Variants in GLIS3 observed in about 807,000 individuals in gnomAD.
The protein encoded by GLIS3 is GLIS family zinc finger 3.
GLIS3 carries 53 observed loss-of-function variants against 78.6 expected under a neutral mutation model. That is an observed-to-expected ratio of 0.67 (90% CI 0.54 to 0.85). GLIS3 has a LOEUF of 0.85. GLIS3 is among the 40% of genes least tolerant of loss of function. The probability of loss-of-function intolerance (pLI) is 0.00; values close to 1 mark genes in which losing one functional copy is unlikely to be tolerated. For missense variants in GLIS3, 1,703 were observed against 1,231.1 expected, an observed-to-expected ratio of 1.38 and a Z score of -5.74; for synonymous variants, 684 against 509.9, an observed-to-expected ratio of 1.34 and a Z score of -4.60.
chr9:4,018,524 G>C (rs1407141222), intron 4 of GLIS3, among the ~76,000 whole-genome samples: 3 of 152,160 alleles, frequency 2.0e-5, no homozygotes, highest in East Asian at 1.9e-4. Context: ...CAGAAGAAAA[G>C]GTAAGGGGCT....
chr9:4,351,854 G>A (rs1817975898), upstream of GLIS3, among the ~76,000 whole-genome samples: 1 of 150,834 alleles, frequency 6.6e-6, no homozygotes, highest in South Asian at 2.1e-4. Flanking sequence ...GAAAATGAAT[G>A]CACAGTTTTC....
chr9:4,307,421 C>T (rs1035920759), intron 4 of GLIS3, among the ~76,000 whole-genome samples: 4 of 152,082 alleles, frequency 2.6e-5, no homozygotes, highest in Admixed American at 2.6e-4. Context: ...CTTTGCAAAC[C>T]CTCCAGAGCC....
In GLIS3 at chr9:3,930,992, T is replaced by C. The variant is rs143765735; in HGVS notation, c.1983+1368A>G. Among the ~76,000 whole-genome samples the C allele has an allele frequency of 1.5e-3, 225 of 152,300 alleles. 5 individuals carry two copies. The highest frequency in any genetic ancestry group is 0.012 in the Admixed American group (187 of 15,296). On this transcript the variant is annotated intron_variant, in intron 6 of 10. Transcript: ENST00000381971. Reference sequence around the variant, plus strand: ...TAAGCACTTGCTTTCTAACTTTATTTACATTATTAATTAACTTAGCAGTTC... The same window carrying C: ...TAAGCACTTGCTTTCTAACTTTATTCACATTATTAATTAACTTAGCAGTTC...
chr9:3,951,841 AACACACACACACACAC>A (rs3061609), intron 4 of GLIS3, among the ~76,000 whole-genome samples: 13 of 130,614 alleles, frequency 1.0e-4, no homozygotes, highest in South Asian at 8.0e-4. Context: ...AATAAGCATG[AACACACACACACACAC>A]ACACACACAC....
At chr9:4,283,017 T>G (rs1351227759) in intron 2 of GLIS3, among the ~76,000 whole-genome samples, 1 of 152,004 alleles carries the variant, frequency 6.6e-6, no homozygotes, top group Non-Finnish European at 1.5e-5. Flanking sequence ...CCTCCAAGTT[T>G]TGAGTGCATT....
intron 2 of GLIS3, among the ~76,000 whole-genome samples, chr9:4,213,418 C>T (rs1175935677): frequency 2.0e-5 from 3 of 152,152 alleles, no homozygotes; most frequent in African/African-American, 7.2e-5. Context: ...TGTTGATTTT[C>T]TCTGTCTTGT....
chr9:4,395,493 C>G, the GLIS3 span, among the ~76,000 whole-genome samples: 5 of 152,108 alleles, frequency 3.3e-5, no homozygotes, highest in Non-Finnish European at 7.4e-5. Context: ...AATCCAGCTC[C>G]GATGCTCTAG....
chr9:4,145,847 C>A (rs1834186309), intron 2 of GLIS3, among the ~76,000 whole-genome samples: 1 of 152,002 alleles, frequency 6.6e-6, no homozygotes, highest in African/African-American at 2.4e-5. Context: ...GAAGTGCATA[C>A]CCGCTCAGTA....
intron 6 of GLIS3, among the ~76,000 whole-genome samples, chr9:3,921,468 T>C (rs1824883525): frequency 6.6e-6 from 1 of 152,176 alleles, no homozygotes; most frequent in Non-Finnish European, 1.5e-5. Flanking sequence ...AAAGCCTTAC[T>C]TGTCCTTTAC....
chr9:4,368,245 C>G, the GLIS3 span, among the ~76,000 whole-genome samples: 1 of 152,118 alleles, frequency 6.6e-6, no homozygotes, highest in Admixed American at 6.5e-5. Context: ...TCCTGGAAAG[C>G]CCTTACTATG....
At chr9:4,078,448 T>C (rs1482712297) in intron 4 of GLIS3, among the ~76,000 whole-genome samples, 1 of 152,152 alleles carries the variant, frequency 6.6e-6, no homozygotes, top group Non-Finnish European at 1.5e-5. Flanking sequence ...TCTGATTCTG[T>C]AACAATATAA....
chr9:4,438,540 C>T, the GLIS3 span, among the ~76,000 whole-genome samples: 1 of 152,148 alleles, frequency 6.6e-6, no homozygotes, highest in Non-Finnish European at 1.5e-5. Flanking sequence ...GAAGAAATAG[C>T]TTATCCTGAA....
intron 3 of GLIS3, chr9:4,123,607 T>C (rs985362895): frequency 2.7e-6 from 1 of 367,180 alleles, no homozygotes. Flanking sequence ...AGCCATTATA[T>C]GATGTTGAAA....
chr9:3,985,719 G>C (rs1046633054), intron 4 of GLIS3, among the ~76,000 whole-genome samples: 1 of 152,192 alleles, frequency 6.6e-6, no homozygotes, highest in Admixed American at 6.5e-5. Context: ...CAAAATTTTA[G>C]CTCATGTGAG....
chr9:4,195,626 C>T (rs1483985631), intron 2 of GLIS3, among the ~76,000 whole-genome samples: 1 of 152,278 alleles, frequency 6.6e-6, no homozygotes, highest in Non-Finnish European at 1.5e-5. Context: ...GGCACGCCCC[C>T]TGTTCCACAG....
chr9:4,123,910 A>T, intron 3 of GLIS3: 1 of 396,552 alleles, frequency 2.5e-6, no homozygotes, highest in Non-Finnish European at 4.5e-6. Context: ...ATAGGGCAGC[A>T]TCTCTCAAAC....
At chr9:3,945,785 A>G (rs1816252547) in intron 4 of GLIS3, among the ~76,000 whole-genome samples, 2 of 152,242 alleles carry the variant, frequency 1.3e-5, no homozygotes, top group African/African-American at 4.8e-5. Context: ...AAGATGAAGT[A>G]AAAGGCAACT....
At chr9:3,970,731 C>G (rs912112506) in intron 4 of GLIS3, among the ~76,000 whole-genome samples, 10 of 152,154 alleles carry the variant, frequency 6.6e-5, no homozygotes, top group Non-Finnish European at 8.8e-5. Flanking sequence ...ACCTCTCACT[C>G]AGCACAGTTC....
At chr9:4,362,461 G>A in the GLIS3 span, among the ~76,000 whole-genome samples, 6 of 152,162 alleles carry the variant, frequency 3.9e-5, no homozygotes, top group Admixed American at 6.5e-5. Context: ...TGTAGTTGAT[G>A]ACCACACGCT....
Sources: gnomAD v4.1 joint callset for allele counts (sites outside exome capture counted in the v4.1 genomes callset) on GRCh38, gnomAD v4.1.1 for gene constraint, MANE v1.5 for transcripts, NCBI Gene and HGNC (gene_info 2026-07-23, HGNC 2026-07-21) for gene names.